The following NFIA variants were observed in gnomAD, a reference collection of about 807,000 sequenced individuals.
NFIA encodes the protein nuclear factor I A, also known as nuclear factor 1 A-type.
In NFIA, 8 loss-of-function variants were observed where a neutral mutation model predicts 62.8. The observed-to-expected ratio is 0.13, with a 90% CI of 0.07 to 0.23. The LOEUF (loss-of-function observed/expected upper bound fraction) is 0.23, where lower values mean the gene tolerates loss of function less well. Among genes scored for constraint, NFIA ranks in the 10% least tolerant of loss-of-function variants. The probability of loss-of-function intolerance (pLI) is 1.00; values close to 1 mark genes in which losing one functional copy is unlikely to be tolerated. For synonymous variants in NFIA, 235 were observed against 238.1 expected, an observed-to-expected ratio of 0.99 and a Z score of 0.12; for missense variants, 410 against 642.1, an observed-to-expected ratio of 0.64 and a Z score of 3.91.
At chr1:61,120,102 C>G (rs905273191) in intron 2 of NFIA, among the ~76,000 whole-genome samples, 1 of 152,148 alleles carries the variant, frequency 6.6e-6, no homozygotes, top group Non-Finnish European at 1.5e-5. Flanking sequence ...TTCTGTATGT[C>G]AAACCAGATT....
At position 61,334,521 on chromosome 1, in the gene NFIA, G is replaced by C. The variant is rs866689502; in HGVS notation, c.700+1935G>C. On this transcript the variant is annotated intron_variant, in intron 4 of 10. Coordinates refer to ENST00000403491, the MANE Select transcript of NFIA (RefSeq NM_001134673.4). ...AATAACCGTAATATGGGGAGTATTT[G>C]TGTGTGTGTATATATGTGTGTGTGT... Among the ~76,000 whole-genome samples, 29 of 114,614 alleles carry C rather than the reference G, an allele frequency of 2.5e-4. 1 individual carries two copies. The highest frequency in any genetic ancestry group is 8.4e-4 in the African/African-American group (27 of 32,162). 75.2% of individuals were successfully genotyped at this position (114,614 alleles called of 152,430 possible).
chr1:61,441,292 GGTGT>G (rs763246425), intron 10 of NFIA, among the ~76,000 whole-genome samples: 8,249 of 139,360 alleles, frequency 0.059, 302 homozygotes, highest in East Asian at 0.15. Flanking sequence ...GCCGTGCAGG[GGTGT>G]GTGTGTGTGT....
intron 6 of NFIA, among the ~76,000 whole-genome samples, chr1:61,367,875 G>A (rs1252005968): frequency 6.6e-6 from 1 of 152,080 alleles, no homozygotes; most frequent in Non-Finnish European, 1.5e-5. Flanking sequence ...GATTCCTGAA[G>A]CCTCTAGTAC....
At chr1:61,285,979 C>T (rs1243989532) in intron 3 of NFIA, among the ~76,000 whole-genome samples, 1 of 152,126 alleles carries the variant, frequency 6.6e-6, no homozygotes, top group African/African-American at 2.4e-5. Context: ...CAAGAAGAAG[C>T]CAAATCACAG....
chr1:61,266,440 C>A (rs1189057519), intron 2 of NFIA, among the ~76,000 whole-genome samples: 1 of 151,926 alleles, frequency 6.6e-6, no homozygotes. Context: ...AGTGCAGTGG[C>A]ACGATCTCAG....
At chr1:61,186,513 C>T (rs577310461) in intron 2 of NFIA, among the ~76,000 whole-genome samples, 3 of 152,180 alleles carry the variant, frequency 2.0e-5, no homozygotes, top group African/African-American at 7.2e-5. Context: ...GTGGAAGAGA[C>T]ATGTATGTAA....
intron 2 of NFIA, among the ~76,000 whole-genome samples, chr1:61,089,685 G>GTTTTTT (rs959067137): frequency 6.8e-5 from 8 of 118,162 alleles, no homozygotes; most frequent in Non-Finnish European, 9.0e-5. Flanking sequence ...AATATTTAAC[G>GTTTTTT]TTTTTTTTTC....
chr1:61,161,594 C>T (rs1299971666), intron 2 of NFIA, among the ~76,000 whole-genome samples: 2 of 128,068 alleles, frequency 1.6e-5, no homozygotes, highest in Non-Finnish European at 3.1e-5. Context: ...GCAACACACA[C>T]ACACACACAC....
chr1:61,121,764 TAAAAC>T (rs1217898768), intron 2 of NFIA, among the ~76,000 whole-genome samples: 2 of 152,198 alleles, frequency 1.3e-5, no homozygotes, highest in African/African-American at 2.4e-5. Context: ...AGTATTTTGA[TAAAAC>T]AAAATGTTCA....
Position 61,088,684 on chromosome 1 carries a change from A to G in NFIA, c.559+4A>G. 1 of 1,603,986 alleles carries G rather than the reference A, an allele frequency of 6.2e-7. No homozygotes were observed. The highest frequency in any genetic ancestry group is 1.1e-5 in the South Asian group (1 of 90,614). On this transcript the variant is annotated splice_donor_region_variant and intron_variant, in intron 2 of 10. Coordinates refer to ENST00000403491, the MANE Select transcript of NFIA (RefSeq NM_001134673.4). The surrounding 1 kb of genome is among the most constrained non-coding windows in gnomAD (Gnocchi z 4.5). Reference sequence around the variant, plus strand: ...GCATACTTTGTGCATGCAGCAGGTAAGTGCGATGGTGAGAATTCCTCCCAC... The same window carrying G: ...GCATACTTTGTGCATGCAGCAGGTAGGTGCGATGGTGAGAATTCCTCCCAC...
Position 61,406,554 on chromosome 1 carries a change from C to CCA in NFIA, c.1255-7_1255-6insAC. On this transcript the variant is annotated splice_polypyrimidine_tract_variant and splice_region_variant and intron_variant, in intron 8 of 10. Transcript: ENST00000403491. ...TACGTGTGTTTTCTGCCCCCCCCCC[C>CCA]CCCACAGCCCAATGGGAGCAGCCAA... The CCA allele has an allele frequency of 1.4e-6, 2 of 1,380,706 alleles. No individual in the cohort carries two copies. Among genetic ancestry groups the CCA allele is most frequent in the Non-Finnish European group, 1.9e-6 (2 of 1,026,292 alleles). The allele number at this position is 1,380,706 out of a possible 1,614,324, so 85.5% of individuals were successfully genotyped here.
At chr1:61,398,822 T>G (rs923418740) in intron 7 of NFIA, among the ~76,000 whole-genome samples, 1 of 152,190 alleles carries the variant, frequency 6.6e-6, no homozygotes, top group Non-Finnish European at 1.5e-5. Context: ...GATTTATAAA[T>G]TAGGGCTATG....
intron 2 of NFIA, among the ~76,000 whole-genome samples, chr1:61,216,727 C>CA (rs1249910466): frequency 6.6e-6 from 1 of 152,142 alleles, no homozygotes; most frequent in Admixed American, 6.5e-5. Flanking sequence ...AGGCTGGAAG[C>CA]AGTGGCTTAC....
At chr1:61,378,804 C>T (rs1664271265) in intron 6 of NFIA, among the ~76,000 whole-genome samples, 2 of 152,154 alleles carry the variant, frequency 1.3e-5, no homozygotes, top group African/African-American at 4.8e-5. Context: ...GACTAAGGTC[C>T]CTGCTTTCTG....
intron 9 of NFIA, among the ~76,000 whole-genome samples, chr1:61,423,528 A>G (rs1234735900): frequency 6.6e-6 from 1 of 152,198 alleles, no homozygotes; most frequent in East Asian, 1.9e-4. Context: ...TAAGGCAAGA[A>G]TTGTAATTAA....
intron 6 of NFIA, among the ~76,000 whole-genome samples, chr1:61,363,255 C>T (rs905541716): frequency 6.6e-6 from 1 of 152,062 alleles, no homozygotes; most frequent in Non-Finnish European, 1.5e-5. Flanking sequence ...CCTCTTTTAC[C>T]ATAAACATTT....
chr1:61,310,732 C>T (rs916666187), intron 3 of NFIA, among the ~76,000 whole-genome samples: 6 of 147,222 alleles, frequency 4.1e-5, no homozygotes, highest in African/African-American at 1.0e-4. Flanking sequence ...CCTTCCCCTC[C>T]CCTCTCATCC....
At chr1:61,312,597 C>CA (rs1302624885) in intron 3 of NFIA, among the ~76,000 whole-genome samples, 1 of 152,038 alleles carries the variant, frequency 6.6e-6, no homozygotes, top group Non-Finnish European at 1.5e-5. Flanking sequence ...ACTGCAGCCT[C>CA]AACTTCCCAG....
At chr1:61,152,686 A>G (rs67226744) in intron 2 of NFIA, among the ~76,000 whole-genome samples, 1 of 152,150 alleles carries the variant, frequency 6.6e-6, no homozygotes, top group Non-Finnish European at 1.5e-5. Flanking sequence ...GATATAAAAA[A>G]TAAAGTCCAG....
Sources: allele counts gnomAD v4.1 joint callset (sites outside exome capture counted in the v4.1 genomes callset), GRCh38; gene constraint gnomAD v4.1.1; non-coding constraint Gnocchi (gnomAD v3.1); transcripts MANE v1.5; gene names NCBI Gene and HGNC (gene_info 2026-07-23, HGNC 2026-07-21).